Variants in ANK2 observed in about 807,000 individuals in gnomAD.
ANK2 encodes the protein ankyrin 2.
In ANK2, 83 loss-of-function variants were observed where a neutral mutation model predicts 360.5. The observed-to-expected ratio is 0.23, with a 90% CI of 0.19 to 0.28. ANK2 has a LOEUF of 0.28. Among genes scored for constraint, ANK2 ranks in the 10% least tolerant of loss-of-function variants. The pLI, the probability that ANK2 is intolerant of heterozygous loss-of-function variation, is 1.00. For synonymous variants in ANK2, 1,740 were observed against 1,759.5 expected (o/e 0.99, Z 0.28); for missense variants, 4,201 against 4,795.7 (o/e 0.88, Z 3.66).
chr4:113,030,391 C>T (rs2060145940), intron 2 of ANK2, among the ~76,000 whole-genome samples: 1 of 152,086 alleles, frequency 6.6e-6, no homozygotes, highest in African/African-American at 2.4e-5. Context: ...GATGAGATTT[C>T]AAACAACAGG....
the ANK2 span, among the ~76,000 whole-genome samples, chr4:112,805,732 C>A: frequency 1.4e-4 from 22 of 152,010 alleles, no homozygotes; most frequent in African/African-American, 5.3e-4. Context: ...CAGGCGCATG[C>A]CACCACGCCT....
At position 113,242,127 on chromosome 4, in the gene ANK2, T is replaced by C; in HGVS notation, c.809T>C (p.Leu270Pro). 6.2e-7 allele frequency: 1 copy of C among 1,613,968 alleles called. No homozygotes were observed. Among genetic ancestry groups the C allele is most frequent in the Non-Finnish European group, 8.5e-7 (1 of 1,179,874 alleles). ...GTGGTGTAGAATGGAATCACTCCTC[T>C]GCATGTGGCTTCCAAAAGAGGAAAT... ...DFTARNGITP[L>P]HVASKRGNTN... is the part of the protein sequence containing the mutation. The change falls in exon 9 of 46, where the codon CTG becomes CCG. Residue 270 changes from leucine (L) to proline (P), a missense_variant. Leu to Pro is a moderately conservative substitution (Grantham distance 98). Coordinates refer to ENST00000357077, the MANE Select transcript of ANK2 (RefSeq NM_001148.6).
intron 2 of ANK2, among the ~76,000 whole-genome samples, chr4:112,936,241 G>A (rs1420864348): frequency 6.6e-6 from 1 of 152,196 alleles, no homozygotes; most frequent in African/African-American, 2.4e-5. Context: ...GACTTGGGAA[G>A]TTAAGTGTAA....
intron 1 of ANK2, among the ~76,000 whole-genome samples, chr4:113,121,352 T>C (rs563209516): frequency 6.6e-6 from 1 of 152,184 alleles, no homozygotes; most frequent in Non-Finnish European, 1.5e-5. Flanking sequence ...GTACCTACAC[T>C]GGGTGTAGAT....
At chr4:112,843,765 T>C (rs1465150319) in intron 1 of ANK2, among the ~76,000 whole-genome samples, 1 of 152,210 alleles carries the variant, frequency 6.6e-6, no homozygotes, top group Non-Finnish European at 1.5e-5. Flanking sequence ...CCTTAATGTA[T>C]TATAGTTTTT....
At chr4:112,716,342 C>T in the ANK2 span, among the ~76,000 whole-genome samples, 1 of 152,076 alleles carries the variant, frequency 6.6e-6, no homozygotes, top group African/African-American at 2.4e-5. Context: ...GCAGTCCCTC[C>T]AACCTTGGCC....
the ANK2 span, among the ~76,000 whole-genome samples, chr4:112,719,904 C>T: frequency 1.3e-5 from 2 of 151,978 alleles, no homozygotes; most frequent in African/African-American, 4.8e-5. Context: ...AGAAAGCATA[C>T]GGCATTTTAG....
At chr4:113,352,072 G>A (rs2095446122) in intron 37 of ANK2, among the ~76,000 whole-genome samples, 1 of 152,118 alleles carries the variant, frequency 6.6e-6, no homozygotes, top group African/African-American at 2.4e-5. Flanking sequence ...CCACAGTAAT[G>A]TTTTACATAT....
At chr4:113,321,927 T>C in intron 26 of ANK2, among the ~76,000 whole-genome samples, 1 of 152,078 alleles carries the variant, frequency 6.6e-6, no homozygotes, top group East Asian at 1.9e-4. Context: ...AGAGACAGGG[T>C]TCGCCAGTTA....
chr4:113,174,601 A>G (rs780966324), intron 2 of ANK2, 84 bp downstream of exon 2: 1 of 1,122,330 alleles, frequency 8.9e-7, no homozygotes. Flanking sequence ...TTTTGTCTTT[A>G]TTAAAAATAC....
intron 1 of ANK2, among the ~76,000 whole-genome samples, chr4:113,157,076 G>GTTT (rs77073614): frequency 6.7e-6 from 1 of 148,742 alleles, no homozygotes; most frequent in East Asian, 2.0e-4. Flanking sequence ...TAACCTAAAG[G>GTTT]TTTTTTTTTT....
intron 2 of ANK2, among the ~76,000 whole-genome samples, chr4:113,009,106 T>C (rs2053897543): frequency 6.6e-6 from 1 of 152,236 alleles, no homozygotes; most frequent in African/African-American, 2.4e-5. Flanking sequence ...GGTTTTAAAT[T>C]ATAAACATGC....
intron 2 of ANK2, among the ~76,000 whole-genome samples, chr4:112,971,141 T>A (rs1439295947): frequency 6.6e-6 from 1 of 152,180 alleles, no homozygotes; most frequent in African/African-American, 2.4e-5. Context: ...ATTTTATTAA[T>A]TGATGAGGAA....
chr4:112,863,751 T>C (rs1260473172), intron 1 of ANK2, among the ~76,000 whole-genome samples: 1 of 152,042 alleles, frequency 6.6e-6, no homozygotes, highest in African/African-American at 2.4e-5. Context: ...CTCGATCTCC[T>C]GACCTCGTGA....
At chr4:112,805,073 G>A in the ANK2 span, among the ~76,000 whole-genome samples, 1 of 152,182 alleles carries the variant, frequency 6.6e-6, no homozygotes, top group African/African-American at 2.4e-5. Context: ...AGGAAGAATA[G>A]GTTGGAGATG....
chr4:112,754,914 A>C, the ANK2 span, among the ~76,000 whole-genome samples: 6 of 152,206 alleles, frequency 3.9e-5, no homozygotes, highest in Non-Finnish European at 5.9e-5. Flanking sequence ...TGGAGGAGGG[A>C]GAAAGATGAA....
intron 2 of ANK2, among the ~76,000 whole-genome samples, chr4:113,012,368 C>T (rs2055042207): frequency 6.6e-6 from 1 of 152,126 alleles, no homozygotes; most frequent in Non-Finnish European, 1.5e-5. Context: ...GGGAATAACT[C>T]CAGAATCTAG....
chr4:112,737,451 T>C, the ANK2 span, among the ~76,000 whole-genome samples: 1 of 152,260 alleles, frequency 6.6e-6, no homozygotes, highest in East Asian at 1.9e-4. Flanking sequence ...AGTTGCTGCA[T>C]AACAACCATT....
In ANK2 at chr4:113,281,426, G is replaced by A. The variant is rs192695138; in HGVS notation, c.1882-1249G>A. Among the ~76,000 whole-genome samples, 870 of 151,980 alleles carry A rather than the reference G, an allele frequency of 5.7e-3. 7 individuals carry two copies. The highest frequency in any genetic ancestry group is 0.02 in the African/African-American group (817 of 41,442). The stretch of plus-strand genomic sequence containing the variant: ...ATGGTGGTGTGTGCCTGGAGTCCTC[G>A]GTACTTAGGATGCTGAGGTGGGAGG... On this transcript the variant is annotated intron_variant, in intron 17 of 45. Transcript: ENST00000357077.
Sources: gnomAD v4.1 joint callset for allele counts (sites outside exome capture counted in the v4.1 genomes callset) on GRCh38, gnomAD v4.1.1 for gene constraint, MANE v1.5 for transcripts, NCBI Gene and HGNC (gene_info 2026-07-23, HGNC 2026-07-21) for gene names.